The following MTBP variants were observed in gnomAD, a reference collection of about 807,000 sequenced individuals.
MTBP encodes the protein mdm2-binding protein.
A neutral mutation model predicts 117.0 loss-of-function variants in MTBP; 101 were observed. The observed-to-expected ratio is 0.86, with a 90% CI of 0.73 to 1.02. The LOEUF is 1.02. MTBP is among the 50% of genes least tolerant of loss of function. The pLI, the probability that MTBP is intolerant of heterozygous loss-of-function variation, is 0.00. For synonymous variants in MTBP, 350 were observed against 351.5 expected (o/e 1.00, Z 0.05); for missense variants, 970 against 1,030.9 (o/e 0.94, Z 0.81).
intron 2 of MTBP, among the ~76,000 whole-genome samples, chr8:120,450,327 A>G (rs4311691): frequency 0.95 from 144,903 of 152,276 alleles, 68,960 homozygotes; most frequent in East Asian, 1. Context: ...GTTAAGGCAG[A>G]AGGAGTCTTC....
intron 13 of MTBP, among the ~76,000 whole-genome samples, chr8:120,491,076 A>G (rs921920839): frequency 3.9e-5 from 6 of 152,062 alleles, no homozygotes; most frequent in Non-Finnish European, 8.8e-5. Flanking sequence ...TTCAGAAAAG[A>G]GTCATAATTT....
rs1813574109 is a variant in MTBP, at chr8:120,461,141, A to G, written c.883-20A>G. 6.8e-7 allele frequency: 1 copy of G among 1,480,372 alleles called. No homozygotes were observed. The highest frequency in any genetic ancestry group is 1.4e-5 in the African/African-American group (1 of 71,762). 91.7% of individuals were successfully genotyped at this position (1,480,372 alleles called of 1,614,324 possible). On this transcript the variant is annotated intron_variant, in intron 8 of 21. Transcript: ENST00000305949. Reference sequence around the variant, plus strand: ...TGTTTATGGTATTTAAATATTACACAATTTTAATTTCTTTTCTAGGTTTTC... The same window carrying G: ...TGTTTATGGTATTTAAATATTACACGATTTTAATTTCTTTTCTAGGTTTTC...
chr8:120,505,838 T>A (rs1156831363), intron 15 of MTBP, among the ~76,000 whole-genome samples: 1 of 151,908 alleles, frequency 6.6e-6, no homozygotes, highest in African/African-American at 2.4e-5. Flanking sequence ...TTTCTGTGAG[T>A]TTTTTTTCAT....
intron 15 of MTBP, among the ~76,000 whole-genome samples, chr8:120,504,864 T>C (rs1217084513): frequency 6.6e-6 from 1 of 152,064 alleles, no homozygotes; most frequent in Non-Finnish European, 1.5e-5. Context: ...TCATCTTTTC[T>C]GTTAAAATTT....
chr8:120,483,438 A>G (rs1172670817), intron 11 of MTBP, among the ~76,000 whole-genome samples: 1 of 152,170 alleles, frequency 6.6e-6, no homozygotes, highest in African/African-American at 2.4e-5. Flanking sequence ...TCACTTACCC[A>G]GAATATCCTG....
Position 120,445,438 on chromosome 8 carries a change from G to C in MTBP, c.-33G>C, listed in dbSNP as rs201110215. ...GCGCGTCTGTTTGGATGTGGAAGCC[G>C]AGACCTAAAGTTGGGGGGTGATCTC... is the stretch of plus-strand genomic sequence containing the variant. On this transcript the variant is annotated 5_prime_UTR_variant, in exon 1 of 22. Coordinates refer to ENST00000305949, the MANE Select transcript of MTBP (RefSeq NM_022045.5). The C allele has an allele frequency of 6.3e-7, 1 of 1,580,042 alleles. No homozygotes were observed. Among genetic ancestry groups the C allele is most frequent in the Non-Finnish European group, 8.7e-7 (1 of 1,151,474 alleles).
Position 120,453,854 on chromosome 8 carries a change from G to A in MTBP, c.433G>A (p.Glu145Lys). 1 of 1,573,798 alleles carries A rather than the reference G, an allele frequency of 6.4e-7. No individual in the cohort carries two copies. The highest frequency in any genetic ancestry group is 8.7e-7 in the Non-Finnish European group (1 of 1,153,516). Residue 145 changes from glutamate (E) to lysine (K), a missense_variant, in exon 5 of 22, where the codon GAA (glutamate) becomes AAA (lysine). By Grantham distance (56) the Glu-to-Lys change is moderately conservative. Coordinates refer to ENST00000305949, the MANE Select transcript of MTBP (RefSeq NM_022045.5). ...RESLSLADLY[E>K]EAAENLHQLS... The stretch of plus-strand genomic sequence containing the variant: ...CTTACCCTTTTATTTTAGTCTCTAT[G>A]AAGAAGCTGCAGAAAATTTGCATCA...
chr8:120,500,737 T>C (rs758456802), intron 14 of MTBP, among the ~76,000 whole-genome samples: 1 of 152,224 alleles, frequency 6.6e-6, no homozygotes, highest in Non-Finnish European at 1.5e-5. Context: ...TTTGCATTAA[T>C]TTTCATTTAT....
chr8:120,493,213 T>C (rs1814382430), intron 13 of MTBP, among the ~76,000 whole-genome samples: 1 of 152,204 alleles, frequency 6.6e-6, no homozygotes, highest in South Asian at 2.1e-4. Flanking sequence ...TGCTAACTCA[T>C]TTTTAGACTT....
At chr8:120,522,758 T>C (rs1026510496) in intron 21 of MTBP, 39 bp downstream of exon 21, 1 of 1,498,218 alleles carries the variant, frequency 6.7e-7, no homozygotes, top group Non-Finnish European at 9.1e-7. Flanking sequence ...TTCAATTAAA[T>C]TGGTATTTTA....
chr8:120,506,121 T>C (rs1814680340), intron 15 of MTBP, among the ~76,000 whole-genome samples: 1 of 152,170 alleles, frequency 6.6e-6, no homozygotes, highest in Non-Finnish European at 1.5e-5. Context: ...ATATGTAAAG[T>C]AGTTTGAAAA....
intron 13 of MTBP, among the ~76,000 whole-genome samples, chr8:120,493,984 A>G (rs528954832): frequency 6.6e-6 from 1 of 152,318 alleles, no homozygotes; most frequent in Non-Finnish European, 1.5e-5. Context: ...GGCAGAATAT[A>G]TTACAGCTCT....
chr8:120,450,834 A>T (rs1048277802), intron 2 of MTBP, among the ~76,000 whole-genome samples, 169 bp from the exon 3 acceptor site: 7 of 152,174 alleles, frequency 4.6e-5, no homozygotes, highest in Admixed American at 1.3e-4. Context: ...CTTTAGGTAG[A>T]TTGTTGTATT....
intron 14 of MTBP, among the ~76,000 whole-genome samples, chr8:120,499,342 C>T: frequency 6.6e-6 from 1 of 152,076 alleles, no homozygotes; most frequent in East Asian, 1.9e-4. Flanking sequence ...AGAGGCTTTC[C>T]CAGACCTTCC....
At chr8:120,501,558 GAA>G (rs202002423) in intron 14 of MTBP, among the ~76,000 whole-genome samples, 1 of 97,422 alleles carries the variant, frequency 1.0e-5, no homozygotes. Flanking sequence ...TCTGGAAAAA[GAA>G]AAAAAAAAAA....
chr8:120,456,549 A>T lies in MTBP; in HGVS notation c.630-4A>T. The stretch of plus-strand genomic sequence containing the variant: ...GTTTAATTGTTGTAATCTTTTTTTT[A>T]TAGAAACTGTCAGAAAATTGCAGAA... On this transcript the variant is annotated splice_polypyrimidine_tract_variant and splice_region_variant and intron_variant, in intron 6 of 21. Transcript: ENST00000305949. The T allele has an allele frequency of 7.1e-7, 1 of 1,416,776 alleles. No individual in the cohort carries two copies. The highest frequency in any genetic ancestry group is 9.8e-7 in the Non-Finnish European group (1 of 1,016,166). 87.8% of individuals were successfully genotyped at this position (1,416,776 alleles called of 1,614,324 possible). A position where few individuals can be genotyped will look rare whatever the true frequency, so the allele number is the denominator to read the frequency against.
At chr8:120,459,078 G>C (rs1428993106) in intron 7 of MTBP, 137 bp from the exon 8 acceptor site, 2 of 683,128 alleles carry the variant, frequency 2.9e-6, no homozygotes, top group African/African-American at 3.8e-5. Flanking sequence ...AATGTGAGAA[G>C]CACACTTTTG....
intron 19 of MTBP, 146 bp downstream of exon 19, chr8:120,518,246 A>C (rs1814955130): frequency 1.1e-6 from 1 of 889,544 alleles, no homozygotes; most frequent in African/African-American, 1.7e-5. Flanking sequence ...ATAGGAAAGT[A>C]GGTGGGGATA....
intron 10 of MTBP, among the ~76,000 whole-genome samples, chr8:120,469,576 T>A (rs1351612307): frequency 6.6e-6 from 1 of 152,224 alleles, no homozygotes; most frequent in Non-Finnish European, 1.5e-5. Flanking sequence ...TAGCAGTTCC[T>A]GGGCCAAATG....
Sources: gnomAD v4.1 joint callset for allele counts (sites outside exome capture counted in the v4.1 genomes callset) on GRCh38, gnomAD v4.1.1 for gene constraint, MANE v1.5 for transcripts, NCBI Gene and HGNC (gene_info 2026-07-23, HGNC 2026-07-21) for gene names.